Variants in FAAH2 observed in about 807,000 individuals in gnomAD.
The protein encoded by FAAH2 is fatty acid amide hydrolase 2, also known as fatty-acid amide hydrolase 2.
Under a neutral mutation model 36.9 loss-of-function variants are expected in FAAH2, and 60 were observed. The ratio of observed to expected loss-of-function variants is 1.63; its 90% CI spans 1.32 to 2.02. The LOEUF (loss-of-function observed/expected upper bound fraction) is 2.02, where lower values mean the gene tolerates loss of function less well. Among genes scored for constraint, FAAH2 ranks in the 30% most tolerant of loss-of-function variants. The pLI is 0.00. For synonymous variants in FAAH2, 214 were observed against 143.8 expected (o/e 1.49, Z -3.49); for missense variants, 689 against 397.5 (o/e 1.73, Z -6.23).
chrX:57,459,374 TG>T (rs1232801738), intron 10 of FAAH2, among the ~76,000 whole-genome samples: 2 of 111,978 alleles, frequency 1.8e-5, no homozygotes, highest in African/African-American at 6.5e-5. Flanking sequence ...GCAGAGCACC[TG>T]GGGGGAAAGG....
chrX:57,403,551 C>A (rs1040495062), intron 7 of FAAH2, among the ~76,000 whole-genome samples: 1 of 112,826 alleles, frequency 8.9e-6, no homozygotes, highest in Admixed American at 9.4e-5. Flanking sequence ...CGTTCTTATG[C>A]AAATTCATTT....
At chrX:57,434,996 C>T (rs2056380090) in intron 8 of FAAH2, among the ~76,000 whole-genome samples, 1 of 110,954 alleles carries the variant, frequency 9.0e-6, no homozygotes, top group African/African-American at 3.3e-5. Context: ...GAAAAAAATA[C>T]AATAAAAATG....
intron 10 of FAAH2, among the ~76,000 whole-genome samples, chrX:57,451,324 G>A (rs1425192408): frequency 8.9e-6 from 1 of 111,774 alleles, no homozygotes; most frequent in African/African-American, 3.3e-5. Flanking sequence ...GCTCAGTGAA[G>A]CAAAGTACCT....
At position 57,286,767 on chromosome X, in the gene FAAH2, C is replaced by T; in HGVS notation, c.-59C>T. The T allele has an allele frequency of 2.0e-6, 2 of 1,021,222 alleles. No homozygotes were observed. The highest frequency in any genetic ancestry group is 4.1e-4 in the Middle Eastern group (1 of 2,431). 84.2% of individuals were successfully genotyped at this position (1,021,222 alleles called of 1,213,427 possible). A position where few individuals can be genotyped will look rare whatever the true frequency, so the allele number is the denominator to read the frequency against. The stretch of plus-strand genomic sequence containing the variant: ...CCTCTTTGCTTAGTACTTTTCTCGT[C>T]CTTTCCCCAGGGTGCACGTAACCCT... On this transcript the variant is annotated 5_prime_UTR_variant, in exon 1 of 11. Transcript: ENST00000374900.
At chrX:57,267,890 A>G in the FAAH2 span, among the ~76,000 whole-genome samples, 1 of 112,666 alleles carries the variant, frequency 8.9e-6, no homozygotes, top group African/African-American at 3.2e-5. Context: ...TAAGCCCACA[A>G]AAATGAGATT....
In FAAH2 at chrX:57,331,652, A is replaced by G. The variant is rs1261419622; in HGVS notation, c.467A>G (p.Asp156Gly). Residue 156 changes from aspartate to glycine, a missense_variant, in exon 4 of 11, where the codon GAT (aspartate) becomes GGT (glycine). Physicochemically the swap from Asp to Gly is moderately conservative, Grantham distance 94. Coordinates refer to ENST00000374900, the MANE Select transcript of FAAH2 (RefSeq NM_174912.4). ...MNRRDAIAKT[D>G]ATVVALLKGA... is the part of the protein sequence containing the mutation. ...CGTCGTGATGCCATTGCCAAAACAGATGCCACTGTGGTGGCATTACTGAAG... is the reference window on the plus strand; with the variant it reads ...CGTCGTGATGCCATTGCCAAAACAGGTGCCACTGTGGTGGCATTACTGAAG... 1 of 1,211,579 alleles carries G rather than the reference A, an allele frequency of 8.3e-7. No homozygotes were observed. Among genetic ancestry groups the G allele is most frequent in the Non-Finnish European group, 1.1e-6 (1 of 895,389 alleles).
intron 10 of FAAH2, among the ~76,000 whole-genome samples, chrX:57,485,185 C>T (rs1281845692): frequency 8.9e-6 from 1 of 111,955 alleles, no homozygotes; most frequent in Admixed American, 9.5e-5. Context: ...CCTACAGATG[C>T]AGTGTTGGAT....
chrX:57,361,037 T>C (rs2054275009), intron 5 of FAAH2, among the ~76,000 whole-genome samples: 1 of 111,816 alleles, frequency 8.9e-6, no homozygotes, highest in South Asian at 3.8e-4. Context: ...TAGTATTCCA[T>C]GGTGTATATG....
the FAAH2 span, among the ~76,000 whole-genome samples, chrX:57,244,678 C>G: frequency 1.8e-5 from 2 of 111,653 alleles, no homozygotes; most frequent in African/African-American, 6.5e-5. Context: ...CAAGCAAATT[C>G]TGAGAGATTT....
chrX:57,436,320 A>T (rs780867699), intron 8 of FAAH2, among the ~76,000 whole-genome samples: 1 of 110,452 alleles, frequency 9.1e-6, no homozygotes, highest in Admixed American at 9.7e-5. Context: ...GAAACACAAG[A>T]ACAAACTAAA....
At chrX:57,420,924 G>T (rs1283542495) in intron 7 of FAAH2, among the ~76,000 whole-genome samples, 1 of 112,021 alleles carries the variant, frequency 8.9e-6, no homozygotes, top group Non-Finnish European at 1.9e-5. Flanking sequence ...AGAGTTTTTA[G>T]CATGAAGGGT....
chrX:57,173,823 A>AATCATGTG, the FAAH2 span, among the ~76,000 whole-genome samples: 2 of 111,876 alleles, frequency 1.8e-5, no homozygotes, highest in Admixed American at 9.5e-5. Context: ...TTATTGAGAT[A>AATCATGTG]ATCATGTGAT....
the FAAH2 span, among the ~76,000 whole-genome samples, chrX:57,265,780 G>T: frequency 9.0e-6 from 1 of 111,663 alleles, no homozygotes; most frequent in Non-Finnish European, 1.9e-5. Context: ...GGGCTTTGGA[G>T]AGCCCAAGCC....
intron 3 of FAAH2, among the ~76,000 whole-genome samples, chrX:57,318,691 T>A (rs896224000): frequency 5.9e-4 from 66 of 111,503 alleles, no homozygotes; most frequent in African/African-American, 2.0e-3. Flanking sequence ...ATCGTCCTGA[T>A]AACAAACCCT....
intron 3 of FAAH2, among the ~76,000 whole-genome samples, chrX:57,311,258 G>A (rs1207279235): frequency 8.9e-6 from 1 of 112,216 alleles, no homozygotes; most frequent in African/African-American, 3.2e-5. Flanking sequence ...AAAACTTATG[G>A]GATGTAGCTA....
At chrX:57,186,600 C>A in the FAAH2 span, among the ~76,000 whole-genome samples, 1 of 111,945 alleles carries the variant, frequency 8.9e-6, no homozygotes, top group Non-Finnish European at 1.9e-5. Flanking sequence ...GCTTTTGTTG[C>A]AATTGCTTTT....
chrX:57,261,424 G>A, the FAAH2 span, among the ~76,000 whole-genome samples: 30 of 108,128 alleles, frequency 2.8e-4, no homozygotes, highest in South Asian at 1.2e-3. Flanking sequence ...ATGGTGGTGC[G>A]TTCCTGTAAT....
chrX:57,345,381 A>C (rs1415700176), intron 5 of FAAH2, among the ~76,000 whole-genome samples: 1 of 110,844 alleles, frequency 9.0e-6, no homozygotes, highest in African/African-American at 3.3e-5. Flanking sequence ...GTGTGTTTTC[A>C]GAAATGTATC....
At position 57,331,688 on chromosome X, in the gene FAAH2, C is replaced by G. The variant is rs771779065; in HGVS notation, c.503C>G (p.Ala168Gly). The change falls in exon 4 of 11, where the codon GCC becomes GGC. Residue 168 changes from alanine to glycine, a missense_variant. Coordinates refer to ENST00000374900, the MANE Select transcript of FAAH2 (RefSeq NM_174912.4). Reference protein sequence around the residue: ...TVVALLKGAGAIPLGITNCSE... With the variant: ...TVVALLKGAGGIPLGITNCSE... The stretch of plus-strand genomic sequence containing the variant: ...GTGGCATTACTGAAGGGAGCTGGTG[C>G]CATTCCTCTTGGCATAACCAACTGT... The G allele has an allele frequency of 7.4e-5, 89 of 1,209,658 alleles. No individual in the cohort carries two copies. Among genetic ancestry groups the G allele is most frequent in the Admixed American group, 2.6e-4 (12 of 45,706 alleles).
Sources: allele counts gnomAD v4.1 joint callset (sites outside exome capture counted in the v4.1 genomes callset), GRCh38; gene constraint gnomAD v4.1.1; transcripts MANE v1.5; gene names NCBI Gene and HGNC (gene_info 2026-07-23, HGNC 2026-07-21).